The following REV1 variants were observed in gnomAD, a reference collection of about 807,000 sequenced individuals.
REV1 encodes the protein REV1 DNA directed polymerase, also known as translesion synthesis protein REV1.
In REV1, 42 loss-of-function variants were observed where a neutral mutation model predicts 137.4. The ratio of observed to expected loss-of-function variants is 0.31; its 90% CI spans 0.24 to 0.40. The LOEUF (loss-of-function observed/expected upper bound fraction) is 0.40. Among genes scored for constraint, REV1 ranks in the 10% least tolerant of loss-of-function variants. The probability of loss-of-function intolerance (pLI) is 1.00; values close to 1 mark genes in which losing one functional copy is unlikely to be tolerated. For synonymous variants in REV1, 524 were observed against 519.2 expected (o/e 1.01, Z -0.12); for missense variants, 1,282 against 1,490.1 (o/e 0.86, Z 2.30).
At chr2:99,442,805 A>G (rs1681685015) in intron 4 of REV1, among the ~76,000 whole-genome samples, 3 of 152,244 alleles carry the variant, frequency 2.0e-5, no homozygotes, top group Non-Finnish European at 4.4e-5. Context: ...AGGATGCTCA[A>G]TTTCCAAATT....
intron 1 of REV1, among the ~76,000 whole-genome samples, chr2:99,467,863 T>C (rs2105184393): frequency 6.6e-6 from 1 of 152,260 alleles, no homozygotes; most frequent in South Asian, 2.1e-4. Context: ...CTGGCCAACA[T>C]GGTGAAATCC....
chr2:99,476,217 C>A (rs184108210), intron 1 of REV1, among the ~76,000 whole-genome samples: 14 of 152,224 alleles, frequency 9.2e-5, no homozygotes, highest in African/African-American at 2.2e-4. Flanking sequence ...CTTTTCCCCC[C>A]CTTCACATGG....
At position 99,421,598 on chromosome 2, in the gene REV1, C is replaced by T. The variant is rs139974413; in HGVS notation, c.1732G>A (p.Glu578Lys). 14 of 1,613,946 alleles carry T rather than the reference C, an allele frequency of 8.7e-6. No homozygotes were observed. The highest frequency in any genetic ancestry group is 6.7e-5 in the African/African-American group (5 of 74,902). Reference sequence around the variant, plus strand: ...GTAAGTTTGGTCTCTGCAAGGATTTCGGTAATGTCTACCAGCGCTTCATCA... The same window carrying T: ...GTAAGTTTGGTCTCTGCAAGGATTTTGGTAATGTCTACCAGCGCTTCATCA... ...SCDEALVDIT[E>K]ILAETKLTPD... Residue 578 changes from glutamate to lysine, a missense_variant, in exon 11 of 23, where the codon GAA becomes AAA. Physicochemically the swap from Glu to Lys is moderately conservative, Grantham distance 56. Coordinates refer to ENST00000258428, the MANE Select transcript of REV1 (RefSeq NM_016316.4).
At chr2:99,428,407 T>TA (rs1433978107) in intron 9 of REV1, among the ~76,000 whole-genome samples, 3 of 152,184 alleles carry the variant, frequency 2.0e-5, no homozygotes, top group Non-Finnish European at 2.9e-5. Flanking sequence ...TCATTTAAAG[T>TA]AAGTTTCAAT....
intron 1 of REV1, among the ~76,000 whole-genome samples, chr2:99,466,312 G>A (rs1423666474): frequency 1.3e-5 from 2 of 151,650 alleles, no homozygotes; most frequent in African/African-American, 2.4e-5. Flanking sequence ...GCACGATCTC[G>A]GCTCACAACC....
At chr2:99,475,163 G>T (rs6713792) in intron 1 of REV1, among the ~76,000 whole-genome samples, 3 of 151,922 alleles carry the variant, frequency 2.0e-5, no homozygotes, top group Non-Finnish European at 2.9e-5. Flanking sequence ...GAGAGTACAA[G>T]GAACAAAGGA....
intron 8 of REV1, chr2:99,432,069 G>A (rs1375878451): frequency 4.5e-6 from 1 of 223,466 alleles, no homozygotes; most frequent in Non-Finnish European, 7.5e-6. Flanking sequence ...CCAGGAAGGG[G>A]TAAAAGGCCC....
chr2:99,425,066 A>G (rs766874966), intron 9 of REV1, among the ~76,000 whole-genome samples: 1 of 152,234 alleles, frequency 6.6e-6, no homozygotes, highest in Non-Finnish European at 1.5e-5. Flanking sequence ...AGTAAAAACA[A>G]GCAAAATAAT....
At chr2:99,410,473 C>T (rs1007065040) in intron 14 of REV1, among the ~76,000 whole-genome samples, 33 of 152,196 alleles carry the variant, frequency 2.2e-4, no homozygotes, top group African/African-American at 7.2e-4. Flanking sequence ...CTGCCAAGGT[C>T]AGCAATGCCG....
intron 14 of REV1, among the ~76,000 whole-genome samples, chr2:99,409,189 T>G (rs1294991293): frequency 6.6e-6 from 1 of 152,258 alleles, no homozygotes; most frequent in Non-Finnish European, 1.5e-5. Context: ...AACAGGTAGG[T>G]AAATATAATT....
At chr2:99,463,713 C>G (rs1369286944) in intron 2 of REV1, among the ~76,000 whole-genome samples, 1 of 152,132 alleles carries the variant, frequency 6.6e-6, no homozygotes, top group Non-Finnish European at 1.5e-5. Context: ...CAAACTCCGC[C>G]TCCCAGGTTC....
chr2:99,435,018 A>C (rs549444541), intron 7 of REV1, among the ~76,000 whole-genome samples: 10 of 152,306 alleles, frequency 6.6e-5, no homozygotes, highest in Admixed American at 1.3e-4. Flanking sequence ...AAATTTGTAA[A>C]GCAATAGCAG....
intron 3 of REV1, 38 bp from the exon 4 acceptor site, chr2:99,449,542 G>C (rs1164239914): frequency 4.5e-6 from 5 of 1,119,164 alleles, no homozygotes; most frequent in Non-Finnish European, 6.0e-6. Context: ...AGAGTCTTAT[G>C]TGTAAGAAGT....
intron 3 of REV1, among the ~76,000 whole-genome samples, chr2:99,461,571 G>C (rs1258635782): frequency 2.0e-5 from 3 of 152,204 alleles, no homozygotes; most frequent in Non-Finnish European, 4.4e-5. Context: ...ATATGTAACA[G>C]ACTGACACAA....
chr2:99,410,934 G>A, intron 13 of REV1, 67 bp from the exon 14 acceptor site: 4 of 1,349,100 alleles, frequency 3.0e-6, no homozygotes, highest in Non-Finnish European at 4.0e-6. Flanking sequence ...TTGTTCTCAA[G>A]TATTTTAACT....
intron 3 of REV1, among the ~76,000 whole-genome samples, chr2:99,456,668 T>C (rs7580448): frequency 0.61 from 93,429 of 152,076 alleles, 29,486 homozygotes; most frequent in African/African-American, 0.74. Flanking sequence ...CAAGACAAAA[T>C]CCAGGTGTCA....
intron 2 of REV1, 87 bp from the exon 3 acceptor site, chr2:99,462,709 A>C (rs1328269064): frequency 7.6e-7 from 1 of 1,320,318 alleles, no homozygotes; most frequent in Admixed American, 2.2e-5. Context: ...AAACTAAATA[A>C]ATAAATGGAC....
intron 3 of REV1, among the ~76,000 whole-genome samples, chr2:99,452,442 A>G (rs1017173057): frequency 2.0e-5 from 3 of 151,700 alleles, no homozygotes; most frequent in African/African-American, 7.3e-5. Context: ...AAAAAGGAAA[A>G]GAAAAAAAAA....
At chr2:99,456,083 A>T (rs1683509527) in intron 3 of REV1, among the ~76,000 whole-genome samples, 1 of 152,220 alleles carries the variant, frequency 6.6e-6, no homozygotes, top group African/African-American at 2.4e-5. Flanking sequence ...GCTTTCACAA[A>T]AATAAACATG....
Sources: gnomAD v4.1 joint callset for allele counts (sites outside exome capture counted in the v4.1 genomes callset) on GRCh38, gnomAD v4.1.1 for gene constraint, MANE v1.5 for transcripts, NCBI Gene and HGNC (gene_info 2026-07-23, HGNC 2026-07-21) for gene names.